The following LRRTM4 variants were observed in gnomAD, a reference collection of about 807,000 sequenced individuals.
LRRTM4 encodes leucine-rich repeat transmembrane neuronal protein 4.
LRRTM4 carries 25 observed loss-of-function variants against 47.6 expected under a neutral mutation model. The observed-to-expected ratio is 0.53, with a 90% CI of 0.38 to 0.73. The LOEUF is 0.73. LRRTM4 is among the 30% of genes least tolerant of loss of function. LRRTM4 has a pLI of 0.00. For synonymous variants in LRRTM4, 311 were observed against 269.5 expected (o/e 1.15, Z -1.51); for missense variants, 638 against 713.4 (o/e 0.89, Z 1.20).
rs558726808 is a variant in LRRTM4 at position 77,256,210 on chromosome 2, A to C, written c.1551+262108T>G. ...CCAATTATTGAAAGCACAAATTATC[A>C]CTACTCGGCCAATTTGAAATAGAGA... On this transcript the variant is annotated intron_variant, in intron 3 of 3. Coordinates refer to ENST00000409884, the MANE Select transcript of LRRTM4 (RefSeq NM_001134745.3). 4.3e-4 allele frequency among the ~76,000 whole-genome samples: 65 copies of C among 152,236 alleles called. 1 individual carries two copies. In the South Asian group the frequency reaches 0.013, roughly 31 times the overall value.
chr2:76,779,902 G>T (rs1207750663), intron 3 of LRRTM4, among the ~76,000 whole-genome samples: 1 of 151,866 alleles, frequency 6.6e-6, no homozygotes, highest in African/African-American at 2.4e-5. Flanking sequence ...GCTGGTACCG[G>T]TTGTTCCTTT....
intron 3 of LRRTM4, among the ~76,000 whole-genome samples, chr2:76,859,401 G>A (rs948455243): frequency 2.6e-5 from 4 of 151,996 alleles, no homozygotes; most frequent in African/African-American, 9.7e-5. Context: ...ATGCCCAGAT[G>A]TATTATATAT....
chr2:76,807,124 A>C (rs1573142854), intron 3 of LRRTM4, among the ~76,000 whole-genome samples: 1 of 152,096 alleles, frequency 6.6e-6, no homozygotes, highest in East Asian at 1.9e-4. Flanking sequence ...CCCAATATGG[A>C]ACTAAATACC....
Position 76,844,817 on chromosome 2 carries a change from G to A in LRRTM4, c.1552-95901C>T, listed in dbSNP as rs141225923. On this transcript the variant is annotated intron_variant, in intron 3 of 3. Coordinates refer to ENST00000409884, the MANE Select transcript of LRRTM4 (RefSeq NM_001134745.3). Reference sequence around the variant, plus strand: ...TAATATTACCAAACTCATACATATTGTGTAGCTGGATTTCAGCTTAGAGAT... The same window carrying A: ...TAATATTACCAAACTCATACATATTATGTAGCTGGATTTCAGCTTAGAGAT... 3.1e-3 allele frequency among the ~76,000 whole-genome samples: 478 copies of A among 152,230 alleles called. 6 individuals are homozygous for A. Among genetic ancestry groups the A allele is most frequent in the Middle Eastern group, 0.02 (6 of 294 alleles).
intron 3 of LRRTM4, among the ~76,000 whole-genome samples, chr2:77,445,953 T>C (rs1178951618): frequency 6.6e-6 from 1 of 152,050 alleles, no homozygotes; most frequent in Non-Finnish European, 1.5e-5. Flanking sequence ...TTGATATTAT[T>C]AGTATCATTA....
intron 3 of LRRTM4, among the ~76,000 whole-genome samples, chr2:77,457,361 T>A (rs1160614685): frequency 6.6e-6 from 1 of 151,932 alleles, no homozygotes; most frequent in African/African-American, 2.4e-5. Flanking sequence ...TCCAAATAGG[T>A]GTATCTAAAT....
At chr2:77,065,812 G>T (rs1457633022) in intron 3 of LRRTM4, among the ~76,000 whole-genome samples, 1 of 152,080 alleles carries the variant, frequency 6.6e-6, no homozygotes, top group Non-Finnish European at 1.5e-5. Flanking sequence ...CCTATCATTT[G>T]CCTGGTTGAC....
chr2:77,021,191 G>T (rs1453366464), intron 3 of LRRTM4, among the ~76,000 whole-genome samples: 2 of 151,546 alleles, frequency 1.3e-5, no homozygotes, highest in Non-Finnish European at 2.9e-5. Context: ...TATAATCAGT[G>T]ATATATATAT....
intron 3 of LRRTM4, among the ~76,000 whole-genome samples, chr2:77,090,197 C>T (rs12614449): frequency 5.3e-5 from 8 of 151,866 alleles, no homozygotes; most frequent in Admixed American, 3.9e-4. Context: ...CCGTCCTGCC[C>T]AGCAATTTAC....
chr2:77,278,842 T>C (rs1393184471), intron 3 of LRRTM4, among the ~76,000 whole-genome samples: 1 of 152,008 alleles, frequency 6.6e-6, no homozygotes, highest in Non-Finnish European at 1.5e-5. Context: ...ATGACCACCG[T>C]CATGGCCTTC....
chr2:77,410,614 G>A (rs893309953), intron 3 of LRRTM4, among the ~76,000 whole-genome samples: 2 of 152,146 alleles, frequency 1.3e-5, no homozygotes, highest in Admixed American at 6.5e-5. Flanking sequence ...TGAGAAGGCA[G>A]GATGCTGAAG....
intron 3 of LRRTM4, among the ~76,000 whole-genome samples, chr2:77,036,260 T>C (rs1483138749): frequency 6.6e-6 from 1 of 151,770 alleles, no homozygotes; most frequent in Non-Finnish European, 1.5e-5. Flanking sequence ...GCAAAATAAA[T>C]TTTATTTAAT....
chr2:77,099,326 C>T (rs1253901258), intron 3 of LRRTM4, among the ~76,000 whole-genome samples: 1 of 151,800 alleles, frequency 6.6e-6, no homozygotes, highest in Non-Finnish European at 1.5e-5. Context: ...AAAATAAATA[C>T]ATCTCACAAA....
chr2:77,007,273 G>A (rs928176564), intron 3 of LRRTM4, among the ~76,000 whole-genome samples: 24 of 152,068 alleles, frequency 1.6e-4, no homozygotes, highest in African/African-American at 4.6e-4. Context: ...ACAGAGGATT[G>A]TGAGTAAAAA....
chr2:77,327,272 A>T (rs1482205171), intron 3 of LRRTM4, among the ~76,000 whole-genome samples: 1 of 152,216 alleles, frequency 6.6e-6, no homozygotes, highest in African/African-American at 2.4e-5. Context: ...GCTATGATAG[A>T]TTTTAAAAAG....
intron 3 of LRRTM4, among the ~76,000 whole-genome samples, chr2:76,762,136 G>C (rs529918765): frequency 6.6e-6 from 1 of 152,136 alleles, no homozygotes; most frequent in Non-Finnish European, 1.5e-5. Context: ...CCATGCTCCA[G>C]TATGTACCCT....
chr2:77,291,013 A>G (rs1048616521), intron 3 of LRRTM4, among the ~76,000 whole-genome samples: 1 of 152,068 alleles, frequency 6.6e-6, no homozygotes, highest in Non-Finnish European at 1.5e-5. Flanking sequence ...CTTACAGCCT[A>G]CAGATAACCT....
intron 3 of LRRTM4, among the ~76,000 whole-genome samples, chr2:77,055,515 G>A (rs1178582261): frequency 6.6e-6 from 1 of 152,162 alleles, no homozygotes; most frequent in Non-Finnish European, 1.5e-5. Flanking sequence ...AGTTAGAATG[G>A]CAATCATTAA....
chr2:76,831,172 A>T (rs1396150357), intron 3 of LRRTM4, among the ~76,000 whole-genome samples: 2 of 152,180 alleles, frequency 1.3e-5, no homozygotes, highest in East Asian at 3.9e-4. Flanking sequence ...ATGAATTCTG[A>T]GTGTATCTAT....
Sources: gnomAD v4.1 joint callset for allele counts (sites outside exome capture counted in the v4.1 genomes callset) on GRCh38, gnomAD v4.1.1 for gene constraint, MANE v1.5 for transcripts, NCBI Gene and HGNC (gene_info 2026-07-23, HGNC 2026-07-21) for gene names.